Variants in INPP5A observed in about 807,000 individuals in gnomAD.
The protein encoded by INPP5A is inositol polyphosphate-5-phosphatase A.
In INPP5A, 14 loss-of-function variants were observed where a neutral mutation model predicts 65.2. The ratio of observed to expected loss-of-function variants is 0.21; its 90% confidence interval spans 0.14 to 0.34. The LOEUF (loss-of-function observed/expected upper bound fraction) is 0.34, where lower values mean the gene tolerates loss of function less well. Ranked by LOEUF, INPP5A falls within the 10% of genes least tolerant of loss-of-function variation. INPP5A has a pLI of 1.00. For missense variants in INPP5A, 431 were observed against 545.6 expected (o/e 0.79, Z 2.09); for synonymous variants, 207 against 208.3 (o/e 0.99, Z 0.05).
rs531629535 is a variant in INPP5A at position 132,684,420 on chromosome 10, G to A, written c.307-5972G>A. Among the ~76,000 whole-genome samples the A allele has an allele frequency of 3.3e-5, 5 of 152,280 alleles. No individual in the cohort carries two copies. The East Asian group carries it at 9.6e-4, about 29-fold the overall frequency. ...GCATGTATGTGTGTGTATTACATAT[G>A]TATGTTTGTCTATAGTGTATATGGA... On this transcript the variant is annotated intron_variant, in intron 4 of 15. Transcript: ENST00000368594.
intron 9 of INPP5A, among the ~76,000 whole-genome samples, chr10:132,733,870 G>A (rs1202260338): frequency 1.3e-5 from 2 of 152,258 alleles, no homozygotes; most frequent in Admixed American, 1.3e-4. Context: ...CCCTGTTGCA[G>A]TTTCCTTCCA....
intron 1 of INPP5A, among the ~76,000 whole-genome samples, chr10:132,579,414 G>C (rs950219837): frequency 6.6e-6 from 1 of 152,102 alleles, no homozygotes; most frequent in Admixed American, 6.5e-5. Flanking sequence ...CAGCTGCACC[G>C]GTGGCTCTGG....
chr10:132,677,597 G>A (rs774133489), intron 4 of INPP5A, among the ~76,000 whole-genome samples: 13 of 152,336 alleles, frequency 8.5e-5, no homozygotes, highest in Admixed American at 2.6e-4. Context: ...GAAGCCTGCC[G>A]CAGGCTGTTT....
chr10:132,652,919 C>T (rs1047268275), intron 4 of INPP5A, among the ~76,000 whole-genome samples: 5 of 152,296 alleles, frequency 3.3e-5, no homozygotes, highest in Middle Eastern at 3.4e-3. Context: ...GACGCGAAAC[C>T]GACAGGGCTG....
At position 132,608,064 on chromosome 10, in the gene INPP5A, G is replaced by A. The variant is rs1009212580; in HGVS notation, c.117+108G>A. On this transcript the variant is annotated intron_variant, in intron 2 of 15. Transcript: ENST00000368594. ...TCTGGTGTGTCTATGGGGAGCGCAGGCCTGGGCTGTGGCTGGGTCTCTCGG... is the reference window on the plus strand; with the variant it reads ...TCTGGTGTGTCTATGGGGAGCGCAGACCTGGGCTGTGGCTGGGTCTCTCGG... 2.1e-5 allele frequency: 21 copies of A among 1,006,876 alleles called. 1 individual carries two copies. In the South Asian group the frequency reaches 2.7e-4, roughly 13 times the overall value. 62.4% of individuals were successfully genotyped at this position (1,006,876 alleles called of 1,614,324 possible). A position where few individuals can be genotyped will look rare whatever the true frequency, so the allele number is the denominator to read the frequency against.
rs189936706 is a variant in INPP5A, at chr10:132,583,637, G to A, written c.76-24278G>A. Among the ~76,000 whole-genome samples, 30 of 152,244 alleles carry A rather than the reference G, an allele frequency of 2.0e-4. No homozygotes were observed. The East Asian group carries it at 5.2e-3, about 26-fold the overall frequency. ...AGCGTTTTCGCCGTCGAGGAATGTC[G>A]AATGTGCTCAGATGGTTTTTCTGTA... On this transcript the variant is annotated intron_variant, in intron 1 of 15. Transcript: ENST00000368594.
At chr10:132,579,323 G>A (rs555972185) in intron 1 of INPP5A, among the ~76,000 whole-genome samples, 2 of 152,244 alleles carry the variant, frequency 1.3e-5, no homozygotes, top group East Asian at 3.9e-4. Flanking sequence ...GCCCCTGAGT[G>A]AGGCGTACCT....
chr10:132,780,344 G>A (rs990919105), intron 13 of INPP5A, among the ~76,000 whole-genome samples: 7 of 152,348 alleles, frequency 4.6e-5, no homozygotes, highest in East Asian at 3.9e-4. Flanking sequence ...TGTGGAATTC[G>A]GTGTCTGTTC....
At chr10:132,775,842 C>T (rs891028309) in intron 12 of INPP5A, among the ~76,000 whole-genome samples, 7 of 152,182 alleles carry the variant, frequency 4.6e-5, no homozygotes, top group Admixed American at 1.3e-4. Flanking sequence ...TCTCCGTGCC[C>T]CCAGGGGACG....
intron 9 of INPP5A, among the ~76,000 whole-genome samples, chr10:132,745,272 G>A (rs1299875848): frequency 7.2e-5 from 11 of 152,278 alleles, no homozygotes; most frequent in Non-Finnish European, 1.5e-4. Context: ...CTTTGGGAAG[G>A]TGAGGGCTGG....
chr10:132,772,397 C>A (rs1206381242), intron 12 of INPP5A, among the ~76,000 whole-genome samples: 2 of 115,380 alleles, frequency 1.7e-5, no homozygotes, highest in African/African-American at 3.3e-5. Flanking sequence ...ACGGAGGCCA[C>A]GGCAGCCACC....
At chr10:132,756,915 T>A (rs1424637517) in intron 11 of INPP5A, among the ~76,000 whole-genome samples, 4 of 152,236 alleles carry the variant, frequency 2.6e-5, no homozygotes, top group African/African-American at 9.6e-5. Flanking sequence ...GGCTCATGTC[T>A]GTGTCGTTGT....
chr10:132,716,586 G>A (rs2134548138), intron 8 of INPP5A, among the ~76,000 whole-genome samples: 1 of 152,278 alleles, frequency 6.6e-6, no homozygotes, highest in Middle Eastern at 3.4e-3. Flanking sequence ...CTGGGCCATG[G>A]GGGCCGTGTG....
At chr10:132,778,234 G>A (rs1348060311) in intron 13 of INPP5A, among the ~76,000 whole-genome samples, 2 of 148,192 alleles carry the variant, frequency 1.3e-5, no homozygotes, top group Non-Finnish European at 3.0e-5. Context: ...ATAAATAGGC[G>A]ACATTTTCAG....
chr10:132,772,464 A>T (rs1347975122), intron 12 of INPP5A, among the ~76,000 whole-genome samples: 1 of 128,700 alleles, frequency 7.8e-6, no homozygotes, highest in Non-Finnish European at 1.7e-5. Flanking sequence ...CAGCCACCCC[A>T]TGAAGAGTGG....
Position 132,644,595 on chromosome 10 carries a change from G to C in INPP5A, c.118-1273G>C, listed in dbSNP as rs1396521618. ...GCCGTGTCGTCGTGAGCACCTCCAGGCTCCCAAGCCCAGCACAGACAGCAC... is the reference window on the plus strand; with the variant it reads ...GCCGTGTCGTCGTGAGCACCTCCAGCCTCCCAAGCCCAGCACAGACAGCAC... On this transcript the variant is annotated intron_variant, in intron 2 of 15. Transcript: ENST00000368594. The surrounding 1 kb of genome is among the most constrained non-coding windows in gnomAD (Gnocchi z 6.5). Among the ~76,000 whole-genome samples the C allele has an allele frequency of 2.0e-5, 3 of 152,220 alleles. No homozygotes were observed. Among genetic ancestry groups the C allele is most frequent in the Non-Finnish European group, 4.4e-5 (3 of 68,034 alleles).
intron 1 of INPP5A, among the ~76,000 whole-genome samples, chr10:132,599,753 A>C (rs968608056): frequency 2.0e-5 from 3 of 152,200 alleles, no homozygotes; most frequent in Non-Finnish European, 4.4e-5. Flanking sequence ...GCATTTTCAT[A>C]CATCTTCTGA....
chr10:132,650,430 G>T lies in INPP5A; in HGVS notation c.231G>T (p.Ser77=). ...HVDKFVKELL[S]SDAMKEYNRA... is the part of the protein sequence containing the mutation. ...TTCTTCCTTCCAGAGAACTATTGTC[G>T]AGTGATGCGATGAAAGAATATAACA... is the stretch of plus-strand genomic sequence containing the variant. Residue 77 remains serine (S), a synonymous_variant, in exon 4 of 16, where the codon TCG becomes TCT. Coordinates refer to ENST00000368594, the MANE Select transcript of INPP5A (RefSeq NM_005539.5). This position sits in a 1 kb window ranked among gnomAD's most constrained non-coding sequence, Gnocchi z 5.5. The T allele has an allele frequency of 6.2e-7, 1 of 1,613,226 alleles. No individual in the cohort carries two copies. Among genetic ancestry groups the T allele is most frequent in the Non-Finnish European group, 8.5e-7 (1 of 1,179,276 alleles).
chr10:132,662,839 A>G (rs2072754230), intron 4 of INPP5A, among the ~76,000 whole-genome samples: 1 of 152,184 alleles, frequency 6.6e-6, no homozygotes, highest in African/African-American at 2.4e-5. Flanking sequence ...GGGCGAAGGG[A>G]CCCAGGGAAC....
Sources: allele counts gnomAD v4.1 joint callset (sites outside exome capture counted in the v4.1 genomes callset), GRCh38; gene constraint gnomAD v4.1.1; non-coding constraint Gnocchi (gnomAD v3.1); transcripts MANE v1.5; gene names NCBI Gene and HGNC (gene_info 2026-07-23, HGNC 2026-07-21).